The following EBF4 variants were observed in gnomAD, a reference collection of about 807,000 sequenced individuals.
The protein encoded by EBF4 is transcription factor COE4.
In EBF4, 34 loss-of-function variants were observed where a neutral mutation model predicts 67.1. That is an observed-to-expected ratio of 0.51 (90% confidence interval 0.39 to 0.67). EBF4 has a LOEUF of 0.67. Among genes scored for constraint, EBF4 ranks in the 30% least tolerant of loss-of-function variants. EBF4 has a pLI of 0.00. For missense variants in EBF4, 837 were observed against 873.3 expected, an observed-to-expected ratio of 0.96 and a Z score of 0.52; for synonymous variants, 387 against 377.7, an observed-to-expected ratio of 1.02 and a Z score of -0.29.
chr20:2,723,768 A>G (rs1341042612), intron 6 of EBF4, among the ~76,000 whole-genome samples: 7 of 139,358 alleles, frequency 5.0e-5, no homozygotes, highest in Non-Finnish European at 1.0e-4. Flanking sequence ...ATTGGTGTAT[A>G]GGTGACAAAT....
At chr20:2,704,711 G>A (rs1284582509) in intron 1 of EBF4, among the ~76,000 whole-genome samples, 1 of 152,112 alleles carries the variant, frequency 6.6e-6, no homozygotes, top group Admixed American at 6.5e-5. Context: ...GACATCTTTG[G>A]GGGGCACCTG....
chr20:2,694,484 C>T (rs2087260304), intron 1 of EBF4, among the ~76,000 whole-genome samples: 1 of 152,136 alleles, frequency 6.6e-6, no homozygotes, highest in African/African-American at 2.4e-5. Context: ...GGGTTGACTC[C>T]AGGATTTGAA....
intron 6 of EBF4, among the ~76,000 whole-genome samples, chr20:2,729,654 G>A (rs2087788790): frequency 6.6e-6 from 1 of 152,192 alleles, no homozygotes; most frequent in African/African-American, 2.4e-5. Flanking sequence ...CTCAAGGACA[G>A]TCTATGACCG....
intron 1 of EBF4, among the ~76,000 whole-genome samples, chr20:2,697,185 G>T (rs2087302193): frequency 6.6e-6 from 1 of 152,158 alleles, no homozygotes; most frequent in Non-Finnish European, 1.5e-5. Flanking sequence ...GGAGGAAAAG[G>T]CCCAGAAGGC....
In EBF4 at chr20:2,715,181, T is replaced by TA. The variant is rs907065954; in HGVS notation, c.557+5548dup. On this transcript the variant is annotated intron_variant, in intron 6 of 16. Coordinates refer to ENST00000609451, the Ensembl canonical transcript of EBF4. ...TTGTGTTTATCATGACCTGGCTTGTTAAAAAAAAATTCATCACAGATTGCA... is the reference window on the plus strand; with the variant it reads ...TTGTGTTTATCATGACCTGGCTTGTTAAAAAAAAAATTCATCACAGATTGCA... Among the ~76,000 whole-genome samples the TA allele has an allele frequency of 1.2e-4, 18 of 151,572 alleles. No individual in the cohort carries two copies. The South Asian group carries it at 2.7e-3, about 23-fold the overall frequency.
In EBF4 at chr20:2,755,433, A is replaced by T; in HGVS notation, c.1541-194A>T. On this transcript the variant is annotated intron_variant, in intron 14 of 16. Coordinates refer to ENST00000609451, the Ensembl canonical transcript of EBF4. This position sits in a 1 kb window ranked among gnomAD's most constrained non-coding sequence, Gnocchi z 4.7. ...TGGCCCTGTCATCCCCAGCCCCGAG[A>T]AAAGGTCTCCAGAACCGCTGAGAGG... 3.5e-6 allele frequency: 2 copies of T among 573,514 alleles called. No individual in the cohort carries two copies. The highest frequency in any genetic ancestry group is 3.2e-5 in the Admixed American group (1 of 31,738). The allele number at this position is 573,514 out of a possible 1,614,324, so 35.5% of individuals were successfully genotyped here.
intron 6 of EBF4, among the ~76,000 whole-genome samples, chr20:2,735,470 T>G (rs143207580): frequency 6.6e-6 from 1 of 152,176 alleles, no homozygotes; most frequent in Non-Finnish European, 1.5e-5. Context: ...GTTGCACACA[T>G]GTTGTTAATT....
At chr20:2,724,332 G>T (rs58856974) in intron 6 of EBF4, among the ~76,000 whole-genome samples, 28,288 of 152,058 alleles carry the variant, frequency 0.19, 3,598 homozygotes, top group African/African-American at 0.35. Context: ...TCATTGTTAT[G>T]CTTTTTTATT....
chr20:2,728,846 T>C (rs2087777286), intron 6 of EBF4, among the ~76,000 whole-genome samples: 1 of 152,118 alleles, frequency 6.6e-6, no homozygotes, highest in South Asian at 2.1e-4. Flanking sequence ...ATCTTTAGCA[T>C]TCCTTCAATG....
rs552453143 is a variant in EBF4 at position 2,743,450 on chromosome 20, A to G, written c.558-5099A>G. ...CACCTTTGCCAAAGCACAGTCTTCA[A>G]AATGTCAAAAGCGTGATTCTCATAC... is the stretch of plus-strand genomic sequence containing the variant. On this transcript the variant is annotated intron_variant, in intron 6 of 16. Coordinates refer to ENST00000609451, the Ensembl canonical transcript of EBF4. Among the ~76,000 whole-genome samples, 21 of 152,366 alleles carry G rather than the reference A, an allele frequency of 1.4e-4. No homozygotes were observed. In the East Asian group the frequency reaches 3.7e-3, roughly 27 times the overall value.
chr20:2,720,513 T>A (rs74960305), intron 6 of EBF4, among the ~76,000 whole-genome samples: 1,619 of 152,286 alleles, frequency 0.011, 30 homozygotes, highest in African/African-American at 0.037. Context: ...AAACTCTATA[T>A]TTTGTTATTT....
chr20:2,752,633 GGGCGCC>G, intron 14 of EBF4, 88 bp downstream of exon 14: 1 of 1,120,888 alleles, frequency 8.9e-7, no homozygotes, highest in Non-Finnish European at 1.1e-6. Flanking sequence ...GGAGAGGTTG[GGGCGCC>G]GGCGCCGTGA....
chr20:2,759,588 C>T (rs745951191), downstream of EBF4: 78 of 156,224 alleles, frequency 5.0e-4, no homozygotes, highest in Non-Finnish European at 8.4e-4. Context: ...GGATCTTGTG[C>T]AGACCAGGGT....
In EBF4 at chr20:2,745,080, C is replaced by CA. The variant is rs2088030763; in HGVS notation, c.558-3469_558-3468insA. Among the ~76,000 whole-genome samples the CA allele has an allele frequency of 6.6e-6, 1 of 152,156 alleles. No individual in the cohort carries two copies. The highest frequency in any genetic ancestry group is 6.5e-5 in the Admixed American group (1 of 15,276). On this transcript the variant is annotated intron_variant, in intron 6 of 16. Transcript: ENST00000609451. The surrounding 1 kb of genome is among the most constrained non-coding windows in gnomAD (Gnocchi z 5.2). The stretch of plus-strand genomic sequence containing the variant: ...AGTAATGGGTAGCGCAGCTCCAGTG[C>CA]GGTAGTTCTCAAACTTCAGGGTGAA...
At chr20:2,704,684 T>G (rs2087425867) in intron 1 of EBF4, among the ~76,000 whole-genome samples, 1 of 152,236 alleles carries the variant, frequency 6.6e-6, no homozygotes, top group African/African-American at 2.4e-5. Context: ...CCTTTGCTTC[T>G]CCAGTTTTTT....
rs1044763608 is a variant in EBF4 at position 2,747,957 on chromosome 20, G to A, written c.558-592G>A. 6.6e-6 allele frequency among the ~76,000 whole-genome samples: 1 copy of A among 152,106 alleles called. No individual in the cohort carries two copies. Among genetic ancestry groups the A allele is most frequent in the Non-Finnish European group, 1.5e-5 (1 of 68,028 alleles). On this transcript the variant is annotated intron_variant, in intron 6 of 16. Transcript: ENST00000609451. This position sits in a 1 kb window ranked among gnomAD's most constrained non-coding sequence, Gnocchi z 4.6. ...AGTGTGTGTGATGGCTGTATTTTGT[G>A]AGTAATAGTATCCAAGGCATAAACA... is the stretch of plus-strand genomic sequence containing the variant.
At chr20:2,725,935 C>T (rs1261612123) in intron 6 of EBF4, among the ~76,000 whole-genome samples, 3 of 152,116 alleles carry the variant, frequency 2.0e-5, no homozygotes, top group Non-Finnish European at 2.9e-5. Context: ...TTTCCCTTAC[C>T]GTTTTTATGA....
chr20:2,740,254 A>G (rs939306590), intron 6 of EBF4, among the ~76,000 whole-genome samples: 3 of 152,168 alleles, frequency 2.0e-5, no homozygotes, highest in Non-Finnish European at 4.4e-5. Context: ...TGGAGGTTGC[A>G]GTGAGCCGAG....
intron 6 of EBF4, among the ~76,000 whole-genome samples, chr20:2,730,213 A>C (rs1310219308): frequency 6.6e-6 from 1 of 152,180 alleles, no homozygotes; most frequent in Non-Finnish European, 1.5e-5. Context: ...TCTGGAGGCC[A>C]AGTCTAAAAG....
Sources: gnomAD v4.1 joint callset for allele counts (sites outside exome capture counted in the v4.1 genomes callset) on GRCh38, gnomAD v4.1.1 for gene constraint, Gnocchi (gnomAD v3.1) non-coding constraint, MANE v1.5 for transcripts, NCBI Gene and HGNC (gene_info 2026-07-23, HGNC 2026-07-21) for gene names.